Variants in MPP4 observed in about 807,000 individuals in gnomAD.
MPP4 encodes MAGUK p55 subfamily member 4.
MPP4 carries 91 observed loss-of-function variants against 98.3 expected under a neutral mutation model. The observed-to-expected ratio is 0.93, with a 90% CI of 0.78 to 1.10. The LOEUF (loss-of-function observed/expected upper bound fraction) is 1.10, where lower values mean the gene tolerates loss of function less well. MPP4 is among the 50% of genes least tolerant of loss of function. The pLI, the probability that MPP4 is intolerant of heterozygous loss-of-function variation, is 0.00. For synonymous variants in MPP4, 261 were observed against 271.8 expected, an observed-to-expected ratio of 0.96 and a Z score of 0.39; for missense variants, 744 against 792.9, an observed-to-expected ratio of 0.94 and a Z score of 0.74.
chr2:201,666,807 T>C (rs1688194381), intron 12 of MPP4: 1 of 151,604 alleles, frequency 6.6e-6, no homozygotes, highest in Non-Finnish European at 1.5e-5. Flanking sequence ...AAAATACAAA[T>C]AAAATTAGGT....
Position 201,664,264 on chromosome 2 carries a change from A to G in MPP4, c.1052-163T>C, listed in dbSNP as rs983002967. ...GTCGAATCGATGGTGTCTCTATGGC[A>G]TATATCAGCTTTACATGAAACACAT... On this transcript the variant is annotated intron_variant, in intron 13 of 21. Coordinates refer to ENST00000409474, the MANE Select transcript of MPP4 (RefSeq NM_033066.3). 6 of 1,483,780 alleles carry G rather than the reference A, an allele frequency of 4.0e-6. No homozygotes were observed. The African/African-American group carries it at 5.5e-5, about 14-fold the overall frequency. The allele number at this position is 1,483,780 out of a possible 1,614,324, so 91.9% of individuals were successfully genotyped here. A position where few individuals can be genotyped will look rare whatever the true frequency, so the allele number is the denominator to read the frequency against.
Position 201,649,658 on chromosome 2 carries a change from C to G in MPP4, c.1502G>C (p.Gly501Ala). 1 of 1,610,416 alleles carries G rather than the reference C, an allele frequency of 6.2e-7. No homozygotes were observed. Among genetic ancestry groups the G allele is most frequent in the Non-Finnish European group, 8.5e-7 (1 of 1,178,342 alleles). The change falls in exon 20 of 22, where the codon GGC becomes GCC. Residue 501 changes from glycine (G) to alanine (A), a missense_variant. Gly to Ala is a moderately conservative substitution (Grantham distance 60, BLOSUM62 0). Coordinates refer to ENST00000409474, the MANE Select transcript of MPP4 (RefSeq NM_033066.3). Reference sequence around the variant, plus strand: ...ATCCACACTAGTGCCATACAGGTGGCCTTTGTACTCACCATACTCCAGCAT... The same window carrying G: ...ATCCACACTAGTGCCATACAGGTGGGCTTTGTACTCACCATACTCCAGCAT... ...HRMLEYGEYK[G>A]HLYGTSVDAV...
chr2:201,691,846 A>C (rs890955229), intron 3 of MPP4, among the ~76,000 whole-genome samples: 6 of 152,236 alleles, frequency 3.9e-5, no homozygotes, highest in South Asian at 2.1e-4. Context: ...AAGAAACTTC[A>C]GGGTACCTAA....
intron 3 of MPP4, among the ~76,000 whole-genome samples, chr2:201,691,384 T>G (rs1168264732): frequency 6.6e-6 from 1 of 152,114 alleles, no homozygotes; most frequent in Admixed American, 6.5e-5. Context: ...ATAATAACAC[T>G]TGTTCAGAAC....
chr2:201,661,261 T>C (rs903586208), intron 14 of MPP4, among the ~76,000 whole-genome samples: 1 of 149,784 alleles, frequency 6.7e-6, no homozygotes, highest in African/African-American at 2.5e-5. Flanking sequence ...AAATAAACCA[T>C]ACAATCACCT....
At chr2:201,674,105 A>G (rs935497441) in intron 11 of MPP4, among the ~76,000 whole-genome samples, 1 of 152,200 alleles carries the variant, frequency 6.6e-6, no homozygotes, top group Non-Finnish European at 1.5e-5. Flanking sequence ...TCCATCCCAT[A>G]TTTATTCACC....
At chr2:201,659,881 G>A (rs1001300409) in intron 15 of MPP4, among the ~76,000 whole-genome samples, 8 of 151,912 alleles carry the variant, frequency 5.3e-5, no homozygotes, top group Non-Finnish European at 1.5e-5. Flanking sequence ...TTAATAGAAT[G>A]AACTGACATA....
At position 201,645,194 on chromosome 2, in the gene MPP4, C is replaced by T. The variant is rs752337268; in HGVS notation, c.*16G>A. ...CAAGGGTACAGTGTTAAAACTCCAG[C>T]ATTAAACAAGAAGTCTCATTGAGAC... On this transcript the variant is annotated 3_prime_UTR_variant, in exon 22 of 22. Coordinates refer to ENST00000409474, the MANE Select transcript of MPP4 (RefSeq NM_033066.3). 12 of 1,601,730 alleles carry T rather than the reference C, an allele frequency of 7.5e-6. No individual in the cohort carries two copies. The highest frequency in any genetic ancestry group is 1.7e-5 in the Admixed American group (1 of 57,862).
rs747058543 is a variant in MPP4 at position 201,647,745 on chromosome 2, T to C, written c.1665A>G (p.Gln555=). ...IKPSNMRCMK[Q]SRKNAKVITD... is the part of the protein sequence containing the mutation. ...TAATAACCTTGGCATTTTTCCGAGA[T>C]TGTTTCATACACCTCATATTCGATG... The change falls in exon 21 of 22, where the codon CAA becomes CAG. Residue 555 remains glutamine, a synonymous_variant. Transcript: ENST00000409474. 3.7e-6 allele frequency: 6 copies of C among 1,614,000 alleles called. No homozygotes were observed. Among genetic ancestry groups the C allele is most frequent in the Non-Finnish European group, 5.1e-6 (6 of 1,179,874 alleles).
rs150686764 is a variant in MPP4, at chr2:201,687,129, C to T, written c.360+162G>A. 7.4e-4 allele frequency among the ~76,000 whole-genome samples: 112 copies of T among 152,340 alleles called. 1 individual carries two copies. Among genetic ancestry groups the T allele is most frequent in the African/African-American group, 2.6e-3 (110 of 41,570 alleles). ...ATGATTGACAACACTGAGCTAGTCA[C>T]ATCTGAGTCCCACATATTTAAGTAC... On this transcript the variant is annotated intron_variant, in intron 5 of 21. Coordinates refer to ENST00000409474, the MANE Select transcript of MPP4 (RefSeq NM_033066.3).
At chr2:201,658,624 C>T (rs2597900) in intron 15 of MPP4, 106 bp from the exon 16 acceptor site, 408,939 of 932,094 alleles carry the variant, frequency 0.44, 91,152 homozygotes, top group East Asian at 0.53. Context: ...CCTTAGTAGA[C>T]GGCAGCAGAG....
At chr2:201,647,880 T>G (rs895966544) in intron 20 of MPP4, 55 bp from the exon 21 acceptor site, 284 of 1,523,604 alleles carry the variant, frequency 1.9e-4, no homozygotes, top group Non-Finnish European at 2.4e-4. Flanking sequence ...TTTTGAGACA[T>G]GGTCTTGCTC....
At position 201,662,500 on chromosome 2, in the gene MPP4, CA is replaced by C. The variant is rs57262157; in HGVS notation, c.1072+1580del. On this transcript the variant is annotated intron_variant, in intron 14 of 21. Transcript: ENST00000409474. ...TGGGTGACAGAGTGAGACTCTGTCT[CA>C]AAAAAAAAAAAAAAAAAAAGTATAT... 8.9e-3 allele frequency among the ~76,000 whole-genome samples: 668 copies of C among 75,282 alleles called. 2 individuals are homozygous for C. The highest frequency in any genetic ancestry group is 0.026 in the African/African-American group (460 of 17,744). 49.4% of individuals were successfully genotyped at this position (75,282 alleles called of 152,430 possible). A position where few individuals can be genotyped will look rare whatever the true frequency, so the allele number is the denominator to read the frequency against.
chr2:201,657,601 G>GTTTTTTTTTTT (rs1393900511), intron 16 of MPP4, among the ~76,000 whole-genome samples: 20 of 104,972 alleles, frequency 1.9e-4, no homozygotes, highest in African/African-American at 4.6e-4. Flanking sequence ...TTTTTTTTTT[G>GTTTTTTTTTTT]TTTTTTTGTT....
intron 18 of MPP4, among the ~76,000 whole-genome samples, chr2:201,652,345 G>A (rs1286993739): frequency 6.6e-6 from 1 of 151,912 alleles, no homozygotes; most frequent in South Asian, 2.1e-4. Flanking sequence ...TGTAATCTCA[G>A]CTACTCGGGA....
intron 4 of MPP4, among the ~76,000 whole-genome samples, chr2:201,688,436 G>A (rs796090746): frequency 6.8e-4 from 104 of 152,268 alleles, no homozygotes; most frequent in African/African-American, 2.1e-3. Context: ...TGCTAGGAGG[G>A]AATACAATTT....
chr2:201,678,875 C>T (rs1688592153), intron 10 of MPP4, among the ~76,000 whole-genome samples: 1 of 152,128 alleles, frequency 6.6e-6, no homozygotes, highest in South Asian at 2.1e-4. Flanking sequence ...ACTGTTCTGT[C>T]ACAGTTCTCA....
intron 10 of MPP4, among the ~76,000 whole-genome samples, chr2:201,675,738 C>T (rs529459724): frequency 2.6e-5 from 4 of 152,322 alleles, no homozygotes; most frequent in Admixed American, 2.6e-4. Flanking sequence ...CAAGGCTTCA[C>T]CTTTTCTTGG....
intron 2 of MPP4, among the ~76,000 whole-genome samples, chr2:201,693,458 CTTA>C (rs748050390): frequency 5.3e-4 from 80 of 152,180 alleles, no homozygotes; most frequent in Non-Finnish European, 1.1e-3. Flanking sequence ...TCAAAAAATT[CTTA>C]TTGAGAGTGA....
Sources: allele counts gnomAD v4.1 joint callset (sites outside exome capture counted in the v4.1 genomes callset), GRCh38; gene constraint gnomAD v4.1.1; transcripts MANE v1.5; gene names NCBI Gene and HGNC (gene_info 2026-07-23, HGNC 2026-07-21).